The following MEGF10 variants were observed in gnomAD, a reference collection of about 807,000 sequenced individuals.
MEGF10 encodes multiple epidermal growth factor-like domains protein 10.
Under a neutral mutation model 147.5 loss-of-function variants are expected in MEGF10, and 86 were observed. That is an observed-to-expected ratio of 0.58 (90% CI 0.49 to 0.70). The LOEUF is 0.70. Among genes scored for constraint, MEGF10 ranks in the 30% least tolerant of loss-of-function variants. The pLI is 0.00. For missense variants in MEGF10, 1,329 were observed against 1,487.3 expected, an observed-to-expected ratio of 0.89 and a Z score of 1.75; for synonymous variants, 478 against 525.5, an observed-to-expected ratio of 0.91 and a Z score of 1.24.
chr5:127,417,505 G>A lies in MEGF10; in HGVS notation c.1131-133G>A, dbSNP rs1408956942. The A allele has an allele frequency of 3.5e-6, 3 of 856,544 alleles. No homozygotes were observed. The African/African-American group carries it at 5.0e-5, about 14-fold the overall frequency. 53.1% of individuals were successfully genotyped at this position (856,544 alleles called of 1,614,324 possible). A position where few individuals can be genotyped will look rare whatever the true frequency, so the allele number is the denominator to read the frequency against. On this transcript the variant is annotated intron_variant, in intron 9 of 24. Transcript: ENST00000503335. The stretch of plus-strand genomic sequence containing the variant: ...CAATTAATTAAATCATACCAAGCCT[G>A]GGAATGAAGTTTGAATTATTCTGCA...
chr5:127,396,619 G>A lies in MEGF10; in HGVS notation c.500G>A (p.Cys167Tyr). The A allele has an allele frequency of 6.2e-7, 1 of 1,613,584 alleles. No individual in the cohort carries two copies. The highest frequency in any genetic ancestry group is 8.5e-7 in the Non-Finnish European group (1 of 1,179,724). ...GALCNPITGA[C>Y]HCAAGFRGWR... The stretch of plus-strand genomic sequence containing the variant: ...CTGTGCAACCCCATCACCGGGGCTT[G>A]CCACTGTGCTGCGGGCTTCCGGGGC... The change falls in exon 6 of 25, where the codon TGC becomes TAC. Residue 167 changes from cysteine (C) to tyrosine (Y), a missense_variant. Cys to Tyr is a radical substitution (Grantham distance 194). Coordinates refer to ENST00000503335, the MANE Select transcript of MEGF10 (RefSeq NM_001256545.2).
chr5:127,280,267 A>G, the MEGF10 span, among the ~76,000 whole-genome samples: 2 of 152,204 alleles, frequency 1.3e-5, no homozygotes, highest in Non-Finnish European at 2.9e-5. Context: ...GGTTCTAAGT[A>G]ATTCTGCGTG....
intron 13 of MEGF10, among the ~76,000 whole-genome samples, chr5:127,429,494 G>A (rs908016524): frequency 1.1e-4 from 16 of 152,202 alleles, no homozygotes; most frequent in African/African-American, 3.9e-4. Context: ...GGAATTATGT[G>A]TATCGATTCA....
chr5:127,237,978 ATG>A, the MEGF10 span, among the ~76,000 whole-genome samples: 1 of 151,384 alleles, frequency 6.6e-6, no homozygotes, highest in African/African-American at 2.4e-5. Context: ...TTTTATACAA[ATG>A]TGTTGACATT....
At chr5:127,347,319 T>C (rs952560361) in intron 4 of MEGF10, among the ~76,000 whole-genome samples, 8 of 152,082 alleles carry the variant, frequency 5.3e-5, no homozygotes, top group African/African-American at 1.9e-4. Flanking sequence ...TCTTATAAAA[T>C]TGCTATTTAT....
the MEGF10 span, among the ~76,000 whole-genome samples, chr5:127,247,392 GAAGAAGAAGAAGAAGAAGAAGAA>G: frequency 2.8e-5 from 1 of 36,190 alleles, no homozygotes; most frequent in African/African-American, 1.2e-4. Flanking sequence ...AGAAGAAGAA[GAAGAAGAAGAAGAAGAAGAAGAA>G]GAAGAAGAAG....
At chr5:127,307,859 C>T (rs893466294) in intron 1 of MEGF10, among the ~76,000 whole-genome samples, 7 of 152,206 alleles carry the variant, frequency 4.6e-5, no homozygotes, top group East Asian at 1.9e-4. Context: ...CACAGAGCTT[C>T]GGTTCAGGAG....
chr5:127,303,879 G>C, intron 1 of MEGF10, among the ~76,000 whole-genome samples: 1 of 152,202 alleles, frequency 6.6e-6, no homozygotes, highest in East Asian at 1.9e-4. Context: ...GGATAATTAT[G>C]TTAGCTCTTT....
chr5:127,343,424 C>T (rs1489401591), intron 4 of MEGF10, among the ~76,000 whole-genome samples: 4 of 151,914 alleles, frequency 2.6e-5, no homozygotes, highest in African/African-American at 9.7e-5. Context: ...TGTAGATGGT[C>T]ATTCTGGAGG....
At chr5:127,427,644 A>C (rs76287270) in intron 13 of MEGF10, among the ~76,000 whole-genome samples, 2,839 of 152,168 alleles carry the variant, frequency 0.019, 55 homozygotes, top group South Asian at 0.079. Context: ...TCTCCTTTCC[A>C]TGTTTTACCA....
chr5:127,453,832 A>G (rs1461005415), intron 22 of MEGF10, among the ~76,000 whole-genome samples: 2 of 152,150 alleles, frequency 1.3e-5, no homozygotes, highest in Non-Finnish European at 2.9e-5. Context: ...AAATGCTTAT[A>G]TTTTATACAA....
chr5:127,368,947 G>A (rs1308277238), intron 4 of MEGF10, among the ~76,000 whole-genome samples: 1 of 152,086 alleles, frequency 6.6e-6, no homozygotes, highest in East Asian at 1.9e-4. Flanking sequence ...CCACAAAAAT[G>A]TTACCAGTTT....
At chr5:127,324,581 C>G (rs2126768878) in intron 1 of MEGF10, among the ~76,000 whole-genome samples, 1 of 152,258 alleles carries the variant, frequency 6.6e-6, no homozygotes, top group Admixed American at 6.5e-5. Flanking sequence ...GGTCGTTCCA[C>G]TTCACACGTG....
upstream of MEGF10, among the ~76,000 whole-genome samples, chr5:127,286,187 T>C (rs781264802): frequency 1.3e-4 from 20 of 150,898 alleles, no homozygotes; most frequent in Non-Finnish European, 2.2e-4. Context: ...TGAAGAGAGG[T>C]TGGTTAATAA....
At chr5:127,253,907 T>C in the MEGF10 span, among the ~76,000 whole-genome samples, 2 of 152,068 alleles carry the variant, frequency 1.3e-5, no homozygotes, top group South Asian at 2.1e-4. Flanking sequence ...AAAACAATAA[T>C]GTAATTTGAG....
At chr5:127,379,943 C>A (rs17684679) in intron 5 of MEGF10, among the ~76,000 whole-genome samples, 1,699 of 152,206 alleles carry the variant, frequency 0.011, 21 homozygotes, top group East Asian at 0.046. Flanking sequence ...AGCCTAAGTG[C>A]CACCACCATA....
intron 3 of MEGF10, among the ~76,000 whole-genome samples, chr5:127,340,187 A>G (rs1478207548): frequency 6.6e-6 from 1 of 151,538 alleles, no homozygotes; most frequent in East Asian, 1.9e-4. Context: ...CTTCTATATT[A>G]TAATGGGATG....
chr5:127,391,102 G>GCTCACA, intron 5 of MEGF10, among the ~76,000 whole-genome samples: 1 of 53,934 alleles, frequency 1.9e-5, no homozygotes, highest in East Asian at 3.7e-4. Flanking sequence ...GCGCGCGCGC[G>GCTCACA]CACACACACA....
At chr5:127,293,586 T>C (rs2126697929) in intron 1 of MEGF10, among the ~76,000 whole-genome samples, 1 of 152,348 alleles carries the variant, frequency 6.6e-6, no homozygotes, top group Admixed American at 6.5e-5. Context: ...AAAACTCAAG[T>C]CACATGCTCA....
Sources: gnomAD v4.1 joint callset for allele counts (sites outside exome capture counted in the v4.1 genomes callset) on GRCh38, gnomAD v4.1.1 for gene constraint, MANE v1.5 for transcripts, NCBI Gene and HGNC (gene_info 2026-07-23, HGNC 2026-07-21) for gene names.